Variants in KAZN observed in about 807,000 individuals in gnomAD.
KAZN encodes kazrin, periplakin interacting protein.
Under a neutral mutation model 87.4 loss-of-function variants are expected in KAZN, and 40 were observed. That is an observed-to-expected ratio of 0.46 (90% CI 0.36 to 0.60). KAZN has a LOEUF of 0.60. KAZN is among the 20% of genes least tolerant of loss of function. KAZN has a pLI of 0.00. For missense variants in KAZN, 898 were observed against 1,073.9 expected (o/e 0.84, Z 2.29); for synonymous variants, 466 against 458.3 (o/e 1.02, Z -0.22).
intron 2 of KAZN, among the ~76,000 whole-genome samples, chr1:14,257,959 T>TAAAAAAAAAAAAAAAAAAAA (rs1168366132): frequency 1.4e-4 from 4 of 28,724 alleles, no homozygotes; most frequent in Admixed American, 4.0e-4. Context: ...AAAAAAACAT[T>TAAAAAAAAAAAAAAAAAAAA]AAAAAAAAAA....
chr1:14,561,496 G>A (rs1674250056), intron 2 of KAZN, among the ~76,000 whole-genome samples: 1 of 152,162 alleles, frequency 6.6e-6, no homozygotes, highest in Non-Finnish European at 1.5e-5. Context: ...TTTTGGGGAG[G>A]GGTGGCCCAT....
chr1:14,531,756 G>A (rs1455447965), intron 2 of KAZN, among the ~76,000 whole-genome samples: 1 of 152,184 alleles, frequency 6.6e-6, no homozygotes, highest in African/African-American at 2.4e-5. Context: ...TGAACAGCAA[G>A]GGAAGCTTTG....
intron 10 of KAZN, among the ~76,000 whole-genome samples, chr1:15,097,250 G>A (rs1302304526): frequency 6.6e-6 from 1 of 152,070 alleles, no homozygotes; most frequent in Non-Finnish European, 1.5e-5. Context: ...CACTGTGTTG[G>A]GTTGGTGGGT....
intron 2 of KAZN, among the ~76,000 whole-genome samples, chr1:14,274,723 G>C (rs1652213542): frequency 6.6e-6 from 1 of 152,156 alleles, no homozygotes; most frequent in South Asian, 2.1e-4. Context: ...TGGGGAGCAG[G>C]TCACTCCTCG....
At position 14,600,666 on chromosome 1, in the gene KAZN, C is replaced by CAA. The variant is rs59840012; in HGVS notation, c.226+1464_226+1465dup. ...AGAACATTCTCCACTGGAACCTGTGCAAAAAAAAAAAAAAAAAAAAAAGAC... is the reference window on the plus strand; with the variant it reads ...AGAACATTCTCCACTGGAACCTGTGCAAAAAAAAAAAAAAAAAAAAAAAAGAC... On this transcript the variant is annotated intron_variant, in intron 1 of 14. Coordinates refer to ENST00000376030, the MANE Select transcript of KAZN (RefSeq NM_201628.3). 5.0e-3 allele frequency among the ~76,000 whole-genome samples: 596 copies of CAA among 118,252 alleles called. 9 individuals are homozygous for CAA. The highest frequency in any genetic ancestry group is 0.016 in the African/African-American group (468 of 29,858). The allele number at this position is 118,252 out of a possible 152,430, so 77.6% of individuals were successfully genotyped here.
chr1:14,680,508 A>G (rs1057290086), intron 1 of KAZN, among the ~76,000 whole-genome samples: 3 of 152,108 alleles, frequency 2.0e-5, no homozygotes, highest in Non-Finnish European at 2.9e-5. Context: ...CAGGTTTGCT[A>G]CACAGGTATA....
At chr1:14,346,762 C>T (rs1048102637) in intron 2 of KAZN, among the ~76,000 whole-genome samples, 2 of 152,074 alleles carry the variant, frequency 1.3e-5, no homozygotes, top group African/African-American at 2.4e-5. Flanking sequence ...TGCATATGCA[C>T]TAAGATTTAC....
chr1:15,025,128 T>C (rs772228315), intron 2 of KAZN, among the ~76,000 whole-genome samples: 10 of 151,446 alleles, frequency 6.6e-5, no homozygotes, highest in Non-Finnish European at 1.5e-4. Context: ...GATACAGCAG[T>C]GAACAGGACA....
chr1:14,517,510 T>C (rs1333975634), intron 2 of KAZN, among the ~76,000 whole-genome samples: 1 of 152,218 alleles, frequency 6.6e-6, no homozygotes, highest in African/African-American at 2.4e-5. Context: ...AAAAGGTTAA[T>C]GCAGAAATCA....
At chr1:14,439,669 C>T (rs1166978011) in intron 2 of KAZN, among the ~76,000 whole-genome samples, 1 of 152,160 alleles carries the variant, frequency 6.6e-6, no homozygotes, top group Non-Finnish European at 1.5e-5. Flanking sequence ...TTTTGTTTCA[C>T]GTTAATTAAT....
In KAZN at chr1:14,685,693, A is replaced by G. The variant is rs1424569432; in HGVS notation, c.226+86470A>G. ...TAAGGTGAAAACTTGTTAGGAGTCAATTGCTTTGGGAGAAATGCTGTTTAG... is the reference window on the plus strand; with the variant it reads ...TAAGGTGAAAACTTGTTAGGAGTCAGTTGCTTTGGGAGAAATGCTGTTTAG... On this transcript the variant is annotated intron_variant, in intron 1 of 14. Coordinates refer to ENST00000376030, the MANE Select transcript of KAZN (RefSeq NM_201628.3). Among the ~76,000 whole-genome samples the G allele has an allele frequency of 2.6e-5, 4 of 152,152 alleles. No homozygotes were observed. The East Asian group carries it at 7.7e-4, about 29-fold the overall frequency.
intron 1 of KAZN, among the ~76,000 whole-genome samples, chr1:13,955,838 T>A (rs1641523606): frequency 6.6e-6 from 1 of 152,222 alleles, no homozygotes; most frequent in Non-Finnish European, 1.5e-5. Flanking sequence ...GAAGAGGCAC[T>A]GAGGAAAGTC....
intron 1 of KAZN, among the ~76,000 whole-genome samples, chr1:14,793,234 G>A (rs771162003): frequency 3.3e-5 from 5 of 152,164 alleles, no homozygotes; most frequent in Non-Finnish European, 7.3e-5. Flanking sequence ...AGCACCAGGC[G>A]ATGGCATCTC....
chr1:13,907,313 A>G (rs1438887356), intron 1 of KAZN, among the ~76,000 whole-genome samples: 2 of 152,168 alleles, frequency 1.3e-5, no homozygotes, highest in Non-Finnish European at 2.9e-5. Flanking sequence ...ATGTCTCCCT[A>G]TAGTGAGGTG....
intron 1 of KAZN, among the ~76,000 whole-genome samples, chr1:13,983,765 G>T (rs1265605435): frequency 1.3e-5 from 2 of 152,254 alleles, no homozygotes; most frequent in Non-Finnish European, 2.9e-5. Flanking sequence ...ATCTGAGGAT[G>T]CTCATTGATT....
At chr1:14,353,960 G>A (rs1571370822) in intron 2 of KAZN, among the ~76,000 whole-genome samples, 1 of 152,184 alleles carries the variant, frequency 6.6e-6, no homozygotes, top group African/African-American at 2.4e-5. Flanking sequence ...AAATGCCATA[G>A]AATTTCTAAA....
intron 1 of KAZN, among the ~76,000 whole-genome samples, chr1:14,131,484 A>C (rs764847915): frequency 5.9e-5 from 9 of 152,242 alleles, no homozygotes; most frequent in Non-Finnish European, 1.2e-4. Context: ...TTAGTGTAGA[A>C]GGAGAAACCT....
At chr1:14,503,876 C>A (rs1670405042) in intron 2 of KAZN, among the ~76,000 whole-genome samples, 1 of 152,124 alleles carries the variant, frequency 6.6e-6, no homozygotes, top group African/African-American at 2.4e-5. Context: ...AAACTTCCCA[C>A]CCCCTGGTCT....
At chr1:14,929,199 T>G (rs1418598653) in intron 1 of KAZN, among the ~76,000 whole-genome samples, 1 of 152,260 alleles carries the variant, frequency 6.6e-6, no homozygotes, top group Non-Finnish European at 1.5e-5. Flanking sequence ...GGGGAATTCC[T>G]ATTCCTCTAG....
Sources: allele counts gnomAD v4.1 joint callset (sites outside exome capture counted in the v4.1 genomes callset), GRCh38; gene constraint gnomAD v4.1.1; transcripts MANE v1.5; gene names NCBI Gene and HGNC (gene_info 2026-07-23, HGNC 2026-07-21).